The following LRIF1 variants were observed in gnomAD, a reference collection of about 807,000 sequenced individuals.
LRIF1 encodes the protein ligand dependent nuclear receptor interacting factor 1, also known as ligand-dependent nuclear receptor-interacting factor 1.
A neutral mutation model predicts 52.7 loss-of-function variants in LRIF1; 32 were observed. The ratio of observed to expected loss-of-function variants is 0.61; its 90% confidence interval spans 0.46 to 0.82. The LOEUF (loss-of-function observed/expected upper bound fraction) is 0.82. Among genes scored for constraint, LRIF1 ranks in the 40% least tolerant of loss-of-function variants. LRIF1 has a pLI of 0.00. For missense variants in LRIF1, 887 were observed against 892.0 expected (o/e 0.99, Z 0.07); for synonymous variants, 323 against 317.4 (o/e 1.02, Z -0.19).
chr1:110,918,676 G>A, the LRIF1 span, among the ~76,000 whole-genome samples: 3 of 152,266 alleles, frequency 2.0e-5, no homozygotes, highest in South Asian at 2.1e-4. Context: ...GAGAAAGATA[G>A]GCAAAACATC....
At chr1:110,955,488 G>A (rs1450652062) in intron 1 of LRIF1, among the ~76,000 whole-genome samples, 2 of 152,096 alleles carry the variant, frequency 1.3e-5, no homozygotes, top group South Asian at 2.1e-4. Context: ...TCTTAGAGTC[G>A]TAGGAAGAAA....
the LRIF1 span, chr1:110,937,913 T>C: frequency 2.6e-5 from 4 of 152,050 alleles, no homozygotes; most frequent in Non-Finnish European, 5.9e-5. Flanking sequence ...CAAAGGATCA[T>C]TAGAGGCTAC....
chr1:110,894,396 C>G, the LRIF1 span: 1 of 1,612,264 alleles, frequency 6.2e-7, no homozygotes, highest in Non-Finnish European at 8.5e-7. Flanking sequence ...TGTATATGAA[C>G]AGAAGGTAAG....
intron 1 of LRIF1, among the ~76,000 whole-genome samples, chr1:110,954,816 A>G (rs1658630240): frequency 6.6e-6 from 1 of 152,210 alleles, no homozygotes; most frequent in African/African-American, 2.4e-5. Flanking sequence ...TAAAAATCAA[A>G]AGAGTAACAG....
the LRIF1 span, among the ~76,000 whole-genome samples, chr1:110,921,563 T>A: frequency 2.0e-5 from 3 of 152,240 alleles, no homozygotes; most frequent in East Asian, 5.8e-4. Context: ...AAAATAACAT[T>A]ATTATAAGTG....
At chr1:110,919,302 C>T in the LRIF1 span, among the ~76,000 whole-genome samples, 1 of 152,116 alleles carries the variant, frequency 6.6e-6, no homozygotes, top group Non-Finnish European at 1.5e-5. Flanking sequence ...TGGGCACAAT[C>T]TAATCAGCTG....
the LRIF1 span, among the ~76,000 whole-genome samples, chr1:110,913,757 G>A: frequency 1.3e-5 from 2 of 152,178 alleles, no homozygotes. Flanking sequence ...ACTTAACACA[G>A]AAGTACCATT....
chr1:110,960,313 G>A (rs1044150580), intron 1 of LRIF1, among the ~76,000 whole-genome samples: 1 of 151,342 alleles, frequency 6.6e-6, no homozygotes, highest in African/African-American at 2.5e-5. Context: ...TCTATAGTAT[G>A]TGTGTCTGTC....
At chr1:110,916,842 A>G in the LRIF1 span, among the ~76,000 whole-genome samples, 1 of 152,244 alleles carries the variant, frequency 6.6e-6, no homozygotes, top group Non-Finnish European at 1.5e-5. Context: ...CTTTATAATG[A>G]GAAAACTGTC....
chr1:110,899,073 A>G, the LRIF1 span: 5 of 1,435,222 alleles, frequency 3.5e-6, no homozygotes, highest in Middle Eastern at 1.7e-4. Flanking sequence ...GCATTGTGAA[A>G]GAAATGGCTT....
chr1:110,931,162 G>A, the LRIF1 span, among the ~76,000 whole-genome samples: 1 of 152,084 alleles, frequency 6.6e-6, no homozygotes, highest in Non-Finnish European at 1.5e-5. Flanking sequence ...AGGCCCTGCT[G>A]TGTGATGTTC....
the LRIF1 span, among the ~76,000 whole-genome samples, chr1:110,918,383 T>A: frequency 1.3e-5 from 2 of 152,186 alleles, no homozygotes; most frequent in Non-Finnish European, 2.9e-5. Context: ...TATTTTATAG[T>A]CAATCCATTA....
chr1:110,903,998 C>T, the LRIF1 span, among the ~76,000 whole-genome samples: 2 of 152,268 alleles, frequency 1.3e-5, no homozygotes, highest in East Asian at 1.9e-4. Context: ...GGCAGTACTC[C>T]CTATGGCTTG....
chr1:110,915,490 A>T, the LRIF1 span, among the ~76,000 whole-genome samples: 25 of 141,940 alleles, frequency 1.8e-4, no homozygotes, highest in East Asian at 2.7e-3. Flanking sequence ...TCCGTCTCAA[A>T]AAATAAATAA....
the LRIF1 span, among the ~76,000 whole-genome samples, chr1:110,928,899 A>G: frequency 0.66 from 99,835 of 152,054 alleles, 33,608 homozygotes; most frequent in East Asian, 0.75. Flanking sequence ...TTTGCCATCT[A>G]CTTTGAGTGA....
chr1:110,900,445 CA>C, the LRIF1 span, among the ~76,000 whole-genome samples: 1 of 152,170 alleles, frequency 6.6e-6, no homozygotes, highest in Admixed American at 6.5e-5. Flanking sequence ...CGGCTCACTG[CA>C]ACCTCTGCCT....
Position 110,951,777 on chromosome 1 carries a change from T to C in LRIF1, c.1107A>G (p.Lys369=). The change falls in exon 2 of 4, where the codon AAA becomes AAG. Residue 369 remains lysine (K), a synonymous_variant. Coordinates refer to ENST00000369763, the MANE Select transcript of LRIF1 (RefSeq NM_018372.4). ...MFNGKVYLLA[K]KGTDVLPSQI... ...GTGATGGCAGAACATCTGTCCCCTT[T>C]TTAGCCAACAGATAGACTTTCCCAT... The C allele has an allele frequency of 6.2e-7, 1 of 1,612,820 alleles. No homozygotes were observed. Among genetic ancestry groups the C allele is most frequent in the African/African-American group, 1.3e-5 (1 of 75,054 alleles).
the LRIF1 span, among the ~76,000 whole-genome samples, chr1:110,933,697 C>G: frequency 9.2e-4 from 140 of 152,272 alleles, no homozygotes; most frequent in Non-Finnish European, 1.5e-3. Flanking sequence ...TGAGTTAATG[C>G]AAACCTTGCC....
the LRIF1 span, among the ~76,000 whole-genome samples, chr1:110,889,338 C>G: frequency 2.0e-5 from 3 of 151,778 alleles, no homozygotes; most frequent in Non-Finnish European, 4.4e-5. Context: ...GGGTAGATCA[C>G]CAGGTCAGGA....
Sources: allele counts gnomAD v4.1 joint callset (sites outside exome capture counted in the v4.1 genomes callset), GRCh38; gene constraint gnomAD v4.1.1; transcripts MANE v1.5; gene names NCBI Gene and HGNC (gene_info 2026-07-23, HGNC 2026-07-21).